Variants in ERGIC1 observed in about 807,000 individuals in gnomAD.
ERGIC1 encodes endoplasmic reticulum-Golgi intermediate compartment protein 1.
Under a neutral mutation model 38.3 loss-of-function variants are expected in ERGIC1, and 19 were observed. That is an observed-to-expected ratio of 0.50 (90% CI 0.35 to 0.73). The LOEUF (loss-of-function observed/expected upper bound fraction) is 0.73. Ranked by LOEUF, ERGIC1 falls within the 30% of genes least tolerant of loss-of-function variation. The probability of loss-of-function intolerance (pLI) is 0.01; values close to 1 mark genes in which losing one functional copy is unlikely to be tolerated. For synonymous variants in ERGIC1, 124 were observed against 157.6 expected (o/e 0.79, Z 1.60); for missense variants, 294 against 389.2 (o/e 0.76, Z 2.06).
rs141485980 is a variant in ERGIC1 at position 172,911,848 on chromosome 5, T to G, written c.250+2087T>G. 3.8e-3 allele frequency among the ~76,000 whole-genome samples: 573 copies of G among 152,238 alleles called. 2 individuals carry two copies. The highest frequency in any genetic ancestry group is 0.012 in the African/African-American group (509 of 41,540). On this transcript the variant is annotated intron_variant, in intron 4 of 9. Transcript: ENST00000393784. ...CATTCAAAAATACAAAAATAATATG[T>G]TTTTTAAAAAGCAAAAGTACCCCTC...
intron 1 of ERGIC1, among the ~76,000 whole-genome samples, chr5:172,885,426 G>T (rs185458991): frequency 6.6e-6 from 1 of 152,104 alleles, no homozygotes; most frequent in African/African-American, 2.4e-5. Context: ...GAGCCATCGT[G>T]TACAGCAGTT....
chr5:172,888,583 T>C, intron 1 of ERGIC1, 116 bp from the exon 2 acceptor site: 1 of 840,212 alleles, frequency 1.2e-6, no homozygotes, highest in East Asian at 2.5e-5. Flanking sequence ...GCAGAAAAAC[T>C]GTGGGAAGAA....
At chr5:172,865,313 C>T (rs1018265264) in intron 1 of ERGIC1, among the ~76,000 whole-genome samples, 3 of 152,134 alleles carry the variant, frequency 2.0e-5, no homozygotes, top group Non-Finnish European at 4.4e-5. Context: ...GCCTTGGCCT[C>T]CCAAAGTGCT....
At chr5:172,893,929 G>GTATATATATA (rs1762644868) in intron 2 of ERGIC1, among the ~76,000 whole-genome samples, 1 of 54,782 alleles carries the variant, frequency 1.8e-5, no homozygotes, top group Non-Finnish European at 3.5e-5. Flanking sequence ...GTGTGTGTGT[G>GTATATATATA]TGTGTGTATA....
In ERGIC1 at chr5:172,834,396, A is replaced by G; in HGVS notation, c.-18A>G. 5 of 1,319,986 alleles carry G rather than the reference A, an allele frequency of 3.8e-6. No individual in the cohort carries two copies. The South Asian group carries it at 8.3e-5, about 22-fold the overall frequency. 81.8% of individuals were successfully genotyped at this position (1,319,986 alleles called of 1,614,324 possible). A position where few individuals can be genotyped will look rare whatever the true frequency, so the allele number is the denominator to read the frequency against. ...GGCCCGCCTGGCCTGCAGCGCTCCC[A>G]CCCCCGGCGGCGGCACGATGCCCTT... is the stretch of plus-strand genomic sequence containing the variant. On this transcript the variant is annotated 5_prime_UTR_variant, in exon 1 of 10. Coordinates refer to ENST00000393784, the MANE Select transcript of ERGIC1 (RefSeq NM_001031711.3). The surrounding 1 kb of genome is among the most constrained non-coding windows in gnomAD (Gnocchi z 4.1).
rs1554112480 is a variant in ERGIC1 at position 172,914,254 on chromosome 5, A to AAAATAAAT, written c.251-455_251-454insAATAAATA. Among the ~76,000 whole-genome samples the AAAATAAAT allele has an allele frequency of 1.4e-3, 183 of 131,234 alleles. 5 individuals carry two copies. Among genetic ancestry groups the AAAATAAAT allele is most frequent in the African/African-American group, 2.8e-3 (96 of 34,230 alleles). The allele number at this position is 131,234 out of a possible 152,430, so 86.1% of individuals were successfully genotyped here. On this transcript the variant is annotated intron_variant, in intron 4 of 9. Coordinates refer to ENST00000393784, the MANE Select transcript of ERGIC1 (RefSeq NM_001031711.3). ...TGTCTCAAAAAAAAAAAAAAAAAAA[A>AAAATAAAT]AAATACAAAGACTATCTGAGATACA...
At chr5:172,918,953 CGCTGCG>C (rs1159452554) in intron 5 of ERGIC1, among the ~76,000 whole-genome samples, 2 of 151,768 alleles carry the variant, frequency 1.3e-5, no homozygotes, top group African/African-American at 4.8e-5. Flanking sequence ...CCCCTCATCA[CGCTGCG>C]GCTGCTGCCT....
At chr5:172,861,728 G>A (rs1279929919) in intron 1 of ERGIC1, among the ~76,000 whole-genome samples, 1 of 152,212 alleles carries the variant, frequency 6.6e-6, no homozygotes, top group African/African-American at 2.4e-5. Flanking sequence ...TAGACAAAGT[G>A]TACACGGCAT....
intron 1 of ERGIC1, among the ~76,000 whole-genome samples, chr5:172,858,401 G>T (rs1761610367): frequency 6.6e-6 from 1 of 152,250 alleles, no homozygotes; most frequent in South Asian, 2.1e-4. Flanking sequence ...GATGCGAAGG[G>T]AAGAGCGGAC....
rs530421981 is a variant in ERGIC1 at position 172,897,778 on chromosome 5, G to A, written c.155+704G>A. The A allele has an allele frequency of 4.4e-5, 18 of 413,650 alleles. No individual in the cohort carries two copies. In the South Asian group the frequency reaches 2.0e-3, roughly 47 times the overall value. 25.6% of individuals were successfully genotyped at this position (413,650 alleles called of 1,614,324 possible). On this transcript the variant is annotated intron_variant, in intron 3 of 9. Coordinates refer to ENST00000393784, the MANE Select transcript of ERGIC1 (RefSeq NM_001031711.3). ...TGGGTACAGCTTCCTACCGGAGGGGGCGAGGTTGCTGACATCAGCGCCCGG... is the reference window on the plus strand; with the variant it reads ...TGGGTACAGCTTCCTACCGGAGGGGACGAGGTTGCTGACATCAGCGCCCGG...
At chr5:172,879,845 CCTT>C (rs1489459804) in intron 1 of ERGIC1, among the ~76,000 whole-genome samples, 2 of 152,166 alleles carry the variant, frequency 1.3e-5, no homozygotes, top group African/African-American at 4.8e-5. Flanking sequence ...CGTGGGGGGA[CCTT>C]CTTGTGTGCC....
chr5:172,893,521 A>G (rs1356554043), intron 2 of ERGIC1, among the ~76,000 whole-genome samples: 2 of 151,990 alleles, frequency 1.3e-5, no homozygotes, highest in Non-Finnish European at 2.9e-5. Context: ...GGAGGGTGTA[A>G]AAGATTCTGA....
chr5:172,894,602 G>A (rs763452529), intron 2 of ERGIC1, among the ~76,000 whole-genome samples: 4 of 152,146 alleles, frequency 2.6e-5, no homozygotes, highest in East Asian at 1.9e-4. Context: ...CCCTTCACTC[G>A]GAGCCTAAGT....
At chr5:172,905,378 G>C in intron 3 of ERGIC1, 2 of 458,172 alleles carry the variant, frequency 4.4e-6, no homozygotes, top group Non-Finnish European at 9.2e-6. Flanking sequence ...CTGTAGGGAG[G>C]CCGATCCTCC....
chr5:172,879,970 C>T (rs761917346), intron 1 of ERGIC1, among the ~76,000 whole-genome samples: 7 of 152,218 alleles, frequency 4.6e-5, no homozygotes, highest in Admixed American at 2.0e-4. Flanking sequence ...CCTCTCCTTA[C>T]ATGAGCACTA....
Position 172,909,747 on chromosome 5 carries a change from A to G in ERGIC1, c.236A>G (p.Asn79Ser), listed in dbSNP as rs1196089272. Residue 79 changes from asparagine to serine, a missense_variant, in exon 4 of 10, where the codon AAT becomes AGT. This residue lies in a region of ERGIC1 where 163 missense variants were observed against 225.8 expected (regional missense o/e 0.72). Coordinates refer to ENST00000393784, the MANE Select transcript of ERGIC1 (RefSeq NM_001031711.3). ...IDVSLNISLP[N>S]LHCELVGLDI... ...GTCAGTCTGAACATCAGTTTACCCA[A>G]TCTGCACTGCGAGTGTGAGTACTCC... 8 of 1,613,974 alleles carry G rather than the reference A, an allele frequency of 5.0e-6. No individual in the cohort carries two copies. In the Admixed American group the frequency reaches 5.0e-5, roughly 10 times the overall value.
chr5:172,863,527 G>A (rs1234616271), intron 1 of ERGIC1, among the ~76,000 whole-genome samples: 1 of 152,178 alleles, frequency 6.6e-6, no homozygotes, highest in African/African-American at 2.4e-5. Flanking sequence ...CCTTCAGGCT[G>A]AGTGGCCAGG....
intron 1 of ERGIC1, among the ~76,000 whole-genome samples, chr5:172,857,123 A>G (rs1177481359): frequency 2.0e-5 from 3 of 152,234 alleles, no homozygotes; most frequent in Non-Finnish European, 4.4e-5. Flanking sequence ...AACACGGTAA[A>G]GAGACTGGCC....
chr5:172,868,509 A>G (rs1661980654), intron 1 of ERGIC1, among the ~76,000 whole-genome samples: 1 of 152,226 alleles, frequency 6.6e-6, no homozygotes, highest in Admixed American at 6.5e-5. Context: ...AGGCAAAACT[A>G]TGGAGACGGT....
Sources: gnomAD v4.1 joint callset for allele counts (sites outside exome capture counted in the v4.1 genomes callset) on GRCh38, gnomAD v4.1.1 for gene constraint, gnomAD v4.1.1 regional missense constraint, Gnocchi (gnomAD v3.1) non-coding constraint, MANE v1.5 for transcripts, NCBI Gene and HGNC (gene_info 2026-07-23, HGNC 2026-07-21) for gene names.